Variants in MPP7 observed in about 807,000 individuals in gnomAD.
MPP7 encodes the protein MAGUK p55 scaffold protein 7.
A neutral mutation model predicts 76.5 loss-of-function variants in MPP7; 60 were observed. The observed-to-expected ratio is 0.78, with a 90% CI of 0.64 to 0.97. MPP7 has a LOEUF of 0.97. MPP7 is among the 50% of genes least tolerant of loss of function. MPP7 has a pLI of 0.00. For synonymous variants in MPP7, 237 were observed against 244.5 expected (o/e 0.97, Z 0.29); for missense variants, 641 against 694.0 (o/e 0.92, Z 0.86).
intron 3 of MPP7, among the ~76,000 whole-genome samples, chr10:28,184,744 T>C (rs1837173001): frequency 6.8e-6 from 1 of 147,836 alleles, no homozygotes; most frequent in South Asian, 2.1e-4. Flanking sequence ...TATAGTAATA[T>C]AATTAATATA....
chr10:28,325,386 C>T (rs1163425723), intron 2 of MPP7, among the ~76,000 whole-genome samples: 2 of 151,540 alleles, frequency 1.3e-5, no homozygotes, highest in Non-Finnish European at 2.9e-5. Flanking sequence ...TGCGGTGGCT[C>T]ATGCCTGTAA....
intron 2 of MPP7, among the ~76,000 whole-genome samples, chr10:28,211,224 T>C (rs1339250144): frequency 6.6e-6 from 1 of 151,978 alleles, no homozygotes; most frequent in East Asian, 1.9e-4. Flanking sequence ...TCAGCCTCCC[T>C]AGTAGCTGGG....
intron 6 of MPP7, among the ~76,000 whole-genome samples, chr10:28,127,706 G>T (rs1372445928): frequency 6.6e-6 from 1 of 152,178 alleles, no homozygotes. Context: ...TGGTTATTAT[G>T]GGAGCTACAA....
chr10:28,142,560 G>A (rs76195890), intron 5 of MPP7, among the ~76,000 whole-genome samples: 20 of 152,112 alleles, frequency 1.3e-4, no homozygotes, highest in South Asian at 6.2e-4. Flanking sequence ...TCAAAACCCC[G>A]AATTGTCAAA....
Position 28,062,458 on chromosome 10 carries a change from T to A in MPP7, c.1205-2715A>T, listed in dbSNP as rs2133337277. 2.8e-5 allele frequency among the ~76,000 whole-genome samples: 4 copies of A among 144,362 alleles called. No individual in the cohort carries two copies. In the South Asian group the frequency reaches 8.7e-4, roughly 31 times the overall value. 94.7% of individuals were successfully genotyped at this position (144,362 alleles called of 152,430 possible). A position where few individuals can be genotyped will look rare whatever the true frequency, so the allele number is the denominator to read the frequency against. ...AGGCAGAAAAAGAAGAAAAATACAA[T>A]AAAATACAGAAGAGACAAACAGAAA... On this transcript the variant is annotated intron_variant, in intron 13 of 16. Transcript: ENST00000683449.
intron 3 of MPP7, among the ~76,000 whole-genome samples, chr10:28,192,315 A>G (rs1483808520): frequency 6.6e-6 from 1 of 152,204 alleles, no homozygotes; most frequent in Non-Finnish European, 1.5e-5. Context: ...ATATATACAG[A>G]TTGAGAACAA....
chr10:28,229,425 A>G (rs758711850), intron 2 of MPP7, among the ~76,000 whole-genome samples: 59 of 152,268 alleles, frequency 3.9e-4, no homozygotes, highest in Non-Finnish European at 8.1e-4. Context: ...ATTTTCAGCA[A>G]TAACAGAGAC....
chr10:28,207,636 T>C (rs1837992648), intron 2 of MPP7, among the ~76,000 whole-genome samples: 1 of 151,002 alleles, frequency 6.6e-6, no homozygotes, highest in Admixed American at 6.6e-5. Context: ...AGTGGTGTGG[T>C]GACTATAATC....
chr10:28,097,746 A>G (rs879706130), intron 11 of MPP7, among the ~76,000 whole-genome samples: 1 of 152,202 alleles, frequency 6.6e-6, no homozygotes, highest in Non-Finnish European at 1.5e-5. Context: ...ACGTTTTCCA[A>G]ATAAGGAAAT....
At chr10:28,283,252 A>C (rs1840721568) in intron 1 of MPP7, among the ~76,000 whole-genome samples, 1 of 152,082 alleles carries the variant, frequency 6.6e-6, no homozygotes, top group Non-Finnish European at 1.5e-5. Context: ...CTGGTCTCTG[A>C]TGTATAGGAG....
chr10:28,329,814 T>A (rs1834455594), intron 2 of MPP7: 1 of 152,180 alleles, frequency 6.6e-6, no homozygotes, highest in African/African-American at 2.4e-5. Flanking sequence ...TTTATATAAA[T>A]CTGATTAGCT....
At chr10:28,141,802 T>G (rs1835529685) in intron 5 of MPP7, among the ~76,000 whole-genome samples, 1 of 152,164 alleles carries the variant, frequency 6.6e-6, no homozygotes, top group Non-Finnish European at 1.5e-5. Flanking sequence ...AAATTTCTTC[T>G]GGGAAAATAC....
At chr10:28,217,221 A>G (rs80232248) in intron 2 of MPP7, among the ~76,000 whole-genome samples, 2 of 152,072 alleles carry the variant, frequency 1.3e-5, no homozygotes, top group East Asian at 3.9e-4. Flanking sequence ...GATATAACAT[A>G]CTCAGAAGTC....
intron 1 of MPP7, among the ~76,000 whole-genome samples, chr10:28,258,843 C>G (rs1407475341): frequency 6.6e-6 from 1 of 152,172 alleles, no homozygotes; most frequent in Non-Finnish European, 1.5e-5. Flanking sequence ...TCTCCTGTCT[C>G]TACTCCTGTG....
Position 28,247,646 on chromosome 10 carries a change from C to T in MPP7, c.-131-8911G>A, listed in dbSNP as rs7072729. 4.1e-3 allele frequency among the ~76,000 whole-genome samples: 623 copies of T among 152,312 alleles called. 4 individuals are homozygous for T. Among genetic ancestry groups the T allele is most frequent in the African/African-American group, 0.014 (583 of 41,564 alleles). On this transcript the variant is annotated intron_variant, in intron 1 of 16. Coordinates refer to ENST00000683449, the MANE Select transcript of MPP7 (RefSeq NM_001318170.2). ...TATACCCATGTTTCCATTCTTCTAGCATATTCATCTATTTTATTTCCAATG... is the reference window on the plus strand; with the variant it reads ...TATACCCATGTTTCCATTCTTCTAGTATATTCATCTATTTTATTTCCAATG...
intron 1 of MPP7, among the ~76,000 whole-genome samples, chr10:28,250,342 T>C (rs1839574996): frequency 6.6e-6 from 1 of 152,176 alleles, no homozygotes; most frequent in African/African-American, 2.4e-5. Context: ...TGGGTATTCA[T>C]TGTACTATTC....
chr10:28,265,635 C>T (rs539013514), intron 1 of MPP7, among the ~76,000 whole-genome samples: 1 of 152,282 alleles, frequency 6.6e-6, no homozygotes, highest in South Asian at 2.1e-4. Flanking sequence ...CAAATGGTTT[C>T]TCAGTGTAAA....
intron 1 of MPP7, among the ~76,000 whole-genome samples, chr10:28,275,460 G>A (rs1840464457): frequency 6.6e-6 from 1 of 150,734 alleles, no homozygotes; most frequent in Admixed American, 6.6e-5. Context: ...AGGCTGGAGT[G>A]CAATGGCGCA....
intron 3 of MPP7, among the ~76,000 whole-genome samples, chr10:28,188,454 T>A (rs1837305145): frequency 6.6e-6 from 1 of 152,138 alleles, no homozygotes; most frequent in Non-Finnish European, 1.5e-5. Context: ...TCGCATGATA[T>A]GTACTCCTGT....
Sources: gnomAD v4.1 joint callset for allele counts (sites outside exome capture counted in the v4.1 genomes callset) on GRCh38, gnomAD v4.1.1 for gene constraint, MANE v1.5 for transcripts, NCBI Gene and HGNC (gene_info 2026-07-23, HGNC 2026-07-21) for gene names.